YJU2: variants seen among roughly 807,000 people sequenced by gnomAD.
YJU2 encodes splicing factor YJU2.
YJU2 carries 28 observed loss-of-function variants against 39.6 expected under a neutral mutation model. The ratio of observed to expected loss-of-function variants is 0.71; its 90% CI spans 0.52 to 0.97. YJU2 has a LOEUF of 0.97. Among genes scored for constraint, YJU2 ranks in the 50% least tolerant of loss-of-function variants. YJU2 has a pLI of 0.00. For missense variants in YJU2, 328 were observed against 430.4 expected, an observed-to-expected ratio of 0.76 and a Z score of 2.11; for synonymous variants, 184 against 182.4, an observed-to-expected ratio of 1.01 and a Z score of -0.07.
intron 7 of YJU2, 32 bp downstream of exon 7, chr19:4,267,806 G>T: frequency 6.3e-7 from 1 of 1,587,350 alleles, no homozygotes; most frequent in Non-Finnish European, 8.6e-7. Flanking sequence ...AGCCGGGCGC[G>T]GTTTCTATAG....
chr19:4,264,818 C>T (rs574348092), intron 6 of YJU2, among the ~76,000 whole-genome samples: 65 of 151,278 alleles, frequency 4.3e-4, no homozygotes, highest in African/African-American at 1.5e-3. Context: ...TGCAGAGATG[C>T]GGTCTTGCTG....
intron 3 of YJU2, among the ~76,000 whole-genome samples, chr19:4,253,387 G>T (rs1234803292): frequency 6.6e-6 from 1 of 152,084 alleles, no homozygotes; most frequent in East Asian, 1.9e-4. Context: ...GACCAGCCTG[G>T]GCAACATGGC....
At chr19:4,268,287 C>T (rs541789570) in intron 7 of YJU2, among the ~76,000 whole-genome samples, 3 of 152,310 alleles carry the variant, frequency 2.0e-5, no homozygotes, top group Admixed American at 6.5e-5. Context: ...TTTCCTAAGG[C>T]GATTAAGTCC....
intron 4 of YJU2, 116 bp downstream of exon 4, chr19:4,254,605 C>T (rs1204764625): frequency 3.6e-6 from 5 of 1,399,588 alleles, no homozygotes; most frequent in South Asian, 1.6e-5. Context: ...GGGTGGGGGG[C>T]GTGGTTGGTA....
At chr19:4,255,789 C>T (rs545668593) in intron 4 of YJU2, among the ~76,000 whole-genome samples, 163 of 149,192 alleles carry the variant, frequency 1.1e-3, no homozygotes, top group Non-Finnish European at 1.5e-3. Context: ...GGCGGATCAC[C>T]TGAGGTCAGG....
intron 4 of YJU2, among the ~76,000 whole-genome samples, chr19:4,257,885 G>A (rs1292273287): frequency 6.6e-6 from 1 of 152,180 alleles, no homozygotes; most frequent in Non-Finnish European, 1.5e-5. Context: ...TTACAGACGT[G>A]AGCCACTGTG....
chr19:4,247,476 C>A, intron 1 of YJU2: 1 of 258,468 alleles, frequency 3.9e-6, no homozygotes, highest in Non-Finnish European at 7.5e-6. Flanking sequence ...TAAATGCTGG[C>A]GGCCGTGTTT....
At chr19:4,247,600 T>TGGCGTGGC (rs1970935255) in intron 1 of YJU2, among the ~76,000 whole-genome samples, 1 of 26,898 alleles carries the variant, frequency 3.7e-5, no homozygotes. Context: ...TGTGTGTGTG[T>TGGCGTGGC]GTGTGTGTGT....
intron 5 of YJU2, 99 bp from the exon 6 acceptor site, chr19:4,261,895 G>C: frequency 1.6e-6 from 2 of 1,275,058 alleles, no homozygotes; most frequent in South Asian, 1.4e-5. Context: ...GGCAGGAAGA[G>C]GTCTCCAGGC....
At position 4,253,795 on chromosome 19, in the gene YJU2, C is replaced by T. The variant is rs1429204978; in HGVS notation, c.271-560C>T. Among the ~76,000 whole-genome samples, 3 of 151,250 alleles carry T rather than the reference C, an allele frequency of 2.0e-5. No homozygotes were observed. In the East Asian group the frequency reaches 5.8e-4, roughly 29 times the overall value. ...AAAAGGTGTTAATAAATACAAAGGG[C>T]AGAAATCACAACATGTGCAGAACCT... On this transcript the variant is annotated intron_variant, in intron 3 of 7. Transcript: ENST00000262962.
At chr19:4,263,043 C>T (rs966756993) in intron 6 of YJU2, among the ~76,000 whole-genome samples, 4 of 141,716 alleles carry the variant, frequency 2.8e-5, no homozygotes, top group Non-Finnish European at 4.5e-5. Flanking sequence ...CACTGCACCC[C>T]AGCCTGGGTG....
chr19:4,266,178 C>G (rs929404044), intron 6 of YJU2, among the ~76,000 whole-genome samples: 6 of 151,942 alleles, frequency 3.9e-5, no homozygotes. Context: ...TGGTCTCTAT[C>G]TGACCTCGTG....
At chr19:4,250,666 A>C (rs965965890) in intron 2 of YJU2, among the ~76,000 whole-genome samples, 1 of 151,756 alleles carries the variant, frequency 6.6e-6, no homozygotes, top group African/African-American at 2.4e-5. Context: ...AGCCCGGAGT[A>C]GGAGGGGAAG....
chr19:4,260,152 C>T (rs148386385), intron 5 of YJU2, among the ~76,000 whole-genome samples: 121 of 152,334 alleles, frequency 7.9e-4, no homozygotes, highest in African/African-American at 2.7e-3. Context: ...GGGCCGGGCG[C>T]AGGGTCTCCT....
chr19:4,261,734 G>A (rs535987302), intron 5 of YJU2, among the ~76,000 whole-genome samples: 9 of 151,980 alleles, frequency 5.9e-5, no homozygotes, highest in Admixed American at 5.9e-4. Context: ...GAAGCTGAGT[G>A]GGGAGGATCG....
intron 6 of YJU2, among the ~76,000 whole-genome samples, chr19:4,267,139 C>T (rs1425990091): frequency 6.6e-6 from 1 of 152,148 alleles, no homozygotes; most frequent in Non-Finnish European, 1.5e-5. Context: ...TGTGGCACCG[C>T]AGAGCCAGCA....
chr19:4,254,614 T>A, intron 4 of YJU2, 125 bp downstream of exon 4: 1 of 1,376,852 alleles, frequency 7.3e-7, no homozygotes. Context: ...GCGTGGTTGG[T>A]AAAACTTTAA....
intron 4 of YJU2, among the ~76,000 whole-genome samples, chr19:4,257,450 G>T (rs908499991): frequency 2.0e-5 from 3 of 151,680 alleles, no homozygotes; most frequent in African/African-American, 7.3e-5. Flanking sequence ...GTGCCACCAC[G>T]CCTGGATAAT....
At chr19:4,256,262 TA>T (rs377113428) in intron 4 of YJU2, among the ~76,000 whole-genome samples, 41 of 151,544 alleles carry the variant, frequency 2.7e-4, no homozygotes, top group African/African-American at 9.9e-4. Context: ...AACAGATTTT[TA>T]AATGACTGTG....
Sources: allele counts gnomAD v4.1 joint callset (sites outside exome capture counted in the v4.1 genomes callset), GRCh38; gene constraint gnomAD v4.1.1; transcripts MANE v1.5; gene names NCBI Gene and HGNC (gene_info 2026-07-23, HGNC 2026-07-21).